Variants in NRDE2 observed in about 807,000 individuals in gnomAD.
NRDE2 encodes the protein NRDE-2, necessary for RNA interference, domain containing, also known as nuclear exosome regulator NRDE2.
A neutral mutation model predicts 124.2 loss-of-function variants in NRDE2; 76 were observed. That is an observed-to-expected ratio of 0.61 (90% CI 0.51 to 0.74). The LOEUF (loss-of-function observed/expected upper bound fraction) is 0.74, where lower values mean the gene tolerates loss of function less well. Ranked by LOEUF, NRDE2 falls within the 30% of genes least tolerant of loss-of-function variation. The pLI is 0.00. For synonymous variants in NRDE2, 489 were observed against 528.1 expected (o/e 0.93, Z 1.01); for missense variants, 1,314 against 1,417.3 (o/e 0.93, Z 1.17).
Position 90,268,031 on chromosome 14 carries a change from TTAG to T in NRDE2, c.*10302_*10304del, listed in dbSNP as rs1274551353. 19 of 511,116 alleles carry T rather than the reference TTAG, an allele frequency of 3.7e-5. No individual in the cohort carries two copies. Among genetic ancestry groups the T allele is most frequent in the African/African-American group, 2.9e-4 (15 of 50,970 alleles). The allele number at this position is 511,116 out of a possible 1,614,324, so 31.7% of individuals were successfully genotyped here. A position where few individuals can be genotyped will look rare whatever the true frequency, so the allele number is the denominator to read the frequency against. ...AATAGCTAAGGATAATCCAAACATGTTAGTAGATTTTTCTAAATGTCCTCTTAT... is the reference window on the plus strand; with the variant it reads ...AATAGCTAAGGATAATCCAAACATGTTAGATTTTTCTAAATGTCCTCTTAT... On this transcript the variant is annotated 3_prime_UTR_variant, in exon 14 of 14. Coordinates refer to ENST00000354366, the MANE Select transcript of NRDE2 (RefSeq NM_017970.4).
chr14:90,270,130 G>T lies in NRDE2; in HGVS notation c.*8206C>A. ...CTTCGTATGTAAGGAGATGGGCTGA[G>T]GCCTCTGAGCCATGGCCGAGCCTGG... On this transcript the variant is annotated 3_prime_UTR_variant, in exon 14 of 14. Transcript: ENST00000354366. 6.4e-7 allele frequency: 1 copy of T among 1,552,412 alleles called. No individual in the cohort carries two copies. The highest frequency in any genetic ancestry group is 8.8e-7 in the Non-Finnish European group (1 of 1,136,570).
At chr14:90,299,049 TTA>T (rs1158873485) in intron 7 of NRDE2, among the ~76,000 whole-genome samples, 1 of 144,316 alleles carries the variant, frequency 6.9e-6, no homozygotes, top group African/African-American at 2.5e-5. Context: ...TCTGCATTTT[TTA>T]TTTTTATTTT....
At chr14:90,328,755 T>A (rs534696744) in intron 1 of NRDE2, among the ~76,000 whole-genome samples, 7 of 152,342 alleles carry the variant, frequency 4.6e-5, no homozygotes, top group African/African-American at 1.7e-4. Flanking sequence ...CAGAAGCATG[T>A]TAAGTGACAC....
rs776708808 is a variant in NRDE2, at chr14:90,331,877, G to A, written c.28C>T (p.Leu10Phe). Residue 10 changes from leucine (L) to phenylalanine (F), a missense_variant, in exon 1 of 14, where the codon CTT (leucine) becomes TTT (phenylalanine). Physicochemically the swap from Leu to Phe is conservative, Grantham distance 22. Coordinates refer to ENST00000354366, the MANE Select transcript of NRDE2 (RefSeq NM_017970.4). ...CTCCCGCCATCGGGAGCCTCACTAA[G>A]CCCCGCAAAGGCTGGGAACAGCGCC... MALFPAFAG[L>F]SEAPDGGSSR... is the part of the protein sequence containing the mutation. 3 of 1,614,000 alleles carry A rather than the reference G, an allele frequency of 1.9e-6. No homozygotes were observed. In the African/African-American group the frequency reaches 4.0e-5, roughly 22 times the overall value.
rs1892185300 is a variant in NRDE2 at position 90,288,754 on chromosome 14, G to A, written c.2621C>T (p.Ala874Val). 2 of 1,614,034 alleles carry A rather than the reference G, an allele frequency of 1.2e-6. No individual in the cohort carries two copies. Among genetic ancestry groups the A allele is most frequent in the South Asian group, 1.1e-5 (1 of 91,086 alleles). The change falls in exon 11 of 14, where the codon GCG (alanine) becomes GTG (valine). Residue 874 changes from alanine to valine, a missense_variant. Ala to Val is a moderately conservative substitution (Grantham distance 64). Coordinates refer to ENST00000354366, the MANE Select transcript of NRDE2 (RefSeq NM_017970.4). ...GQVLAVHILK[A>V]RKAYEHALQD... is the part of the protein sequence containing the mutation. ...CAGTGCGTGCTCATAAGCCTTTCGC[G>A]CTTTCAAAATGTGAACAGCCAACAC...
At chr14:90,290,153 A>C in intron 10 of NRDE2, 68 bp downstream of exon 10, 2 of 1,533,036 alleles carry the variant, frequency 1.3e-6, no homozygotes, top group South Asian at 2.5e-5. Flanking sequence ...GGAGGCTTAC[A>C]ATCCCGTTTA....
In NRDE2 at chr14:90,331,872, A is replaced by T. The variant is rs771934367; in HGVS notation, c.33T>A (p.Ser11Arg). 1 of 1,614,146 alleles carries T rather than the reference A, an allele frequency of 6.2e-7. No homozygotes were observed. The highest frequency in any genetic ancestry group is 1.1e-5 in the South Asian group (1 of 91,086). MALFPAFAGLSEAPDGGSSRK... is the reference protein window; with the variant it reads MALFPAFAGLREAPDGGSSRK... ...TGGAGCTCCCGCCATCGGGAGCCTC[A>T]CTAAGCCCCGCAAAGGCTGGGAACA... Residue 11 changes from serine to arginine, a missense_variant, in exon 1 of 14, where the codon AGT (serine) becomes AGA (arginine). By Grantham distance (110) the Ser-to-Arg change is moderately radical (BLOSUM62 -1). Transcript: ENST00000354366.
At chr14:90,316,040 T>C (rs1885034952) in intron 3 of NRDE2, among the ~76,000 whole-genome samples, 1 of 149,110 alleles carries the variant, frequency 6.7e-6, no homozygotes, top group Non-Finnish European at 1.5e-5. Flanking sequence ...AACACTGTAA[T>C]CATGAGCTGT....
chr14:90,289,192 G>A lies in NRDE2; in HGVS notation c.2230-47C>T, dbSNP rs373971944. ...TGACTGCAGGTGCTCTGTAATTAAG[G>A]CGTCCTCTGCTGCCAACTGTAGAAA... On this transcript the variant is annotated intron_variant, in intron 10 of 13. Coordinates refer to ENST00000354366, the MANE Select transcript of NRDE2 (RefSeq NM_017970.4). The A allele has an allele frequency of 1.4e-5, 21 of 1,468,742 alleles. No individual in the cohort carries two copies. In the African/African-American group the frequency reaches 3.0e-4, roughly 21 times the overall value. The allele number at this position is 1,468,742 out of a possible 1,614,324, so 91.0% of individuals were successfully genotyped here. A position where few individuals can be genotyped will look rare whatever the true frequency, so the allele number is the denominator to read the frequency against.
At position 90,320,358 on chromosome 14, in the gene NRDE2, G is replaced by A. The variant is rs143931281; in HGVS notation, c.65-2245C>T. Among the ~76,000 whole-genome samples, 162 of 152,304 alleles carry A rather than the reference G, an allele frequency of 1.1e-3. 2 individuals carry two copies. Among genetic ancestry groups the A allele is most frequent in the African/African-American group, 3.8e-3 (156 of 41,564 alleles). On this transcript the variant is annotated intron_variant, in intron 1 of 13. Transcript: ENST00000354366. ...GAGGAAAGAGTAAAGAGCAAAGGGG[G>A]AAGAGCCCCTTATAAAACCATCAGA...
chr14:90,283,925 A>G (rs7146356), intron 12 of NRDE2, among the ~76,000 whole-genome samples: 39,640 of 151,824 alleles, frequency 0.26, 5,661 homozygotes, highest in Middle Eastern at 0.42. Context: ...GTTAGCCAAG[A>G]TGGTCTCAAT....
At chr14:90,323,875 GTC>G (rs908496792) in intron 1 of NRDE2, among the ~76,000 whole-genome samples, 3 of 152,136 alleles carry the variant, frequency 2.0e-5, no homozygotes, top group African/African-American at 7.2e-5. Context: ...ATTTATCTGA[GTC>G]TCTTTTTTTT....
chr14:90,328,720 C>T (rs1357422402), intron 1 of NRDE2, among the ~76,000 whole-genome samples: 2 of 152,128 alleles, frequency 1.3e-5, no homozygotes, highest in African/African-American at 4.8e-5. Flanking sequence ...GAGGTAAATA[C>T]CAGTTTACAG....
rs1380511825 is a variant in NRDE2, at chr14:90,304,009, C to T, written c.931G>A (p.Val311Met). ...CGCACCCTCCTGTTAAACTCCTCCACCTTGGCCTTGAGAGCCGCACTCTCG... is the reference window on the plus strand; with the variant it reads ...CGCACCCTCCTGTTAAACTCCTCCATCTTGGCCTTGAGAGCCGCACTCTCG... ...DSESAALKAK[V>M]EEFNRRVREN... Residue 311 changes from valine to methionine, a missense_variant, in exon 5 of 14, where the codon GTG becomes ATG. Transcript: ENST00000354366. The T allele has an allele frequency of 9.3e-6, 15 of 1,613,930 alleles. No homozygotes were observed. Among genetic ancestry groups the T allele is most frequent in the African/African-American group, 6.7e-5 (5 of 74,938 alleles).
At chr14:90,317,793 A>G in intron 2 of NRDE2, 1 of 422,570 alleles carries the variant, frequency 2.4e-6, no homozygotes, top group East Asian at 3.7e-5. Flanking sequence ...GCCTAATTAC[A>G]GGCACTAACT....
chr14:90,296,996 G>C (rs1884190857), intron 8 of NRDE2, among the ~76,000 whole-genome samples: 1 of 151,926 alleles, frequency 6.6e-6, no homozygotes, highest in South Asian at 2.1e-4. Context: ...AAAATTAGGA[G>C]GGCGTGGTGG....
chr14:90,317,152 T>A (rs1432001573), intron 2 of NRDE2, among the ~76,000 whole-genome samples: 1 of 152,188 alleles, frequency 6.6e-6, no homozygotes, highest in Non-Finnish European at 1.5e-5. Context: ...TACTCATGCC[T>A]ATAATCCTAG....
Position 90,318,023 on chromosome 14 carries a change from T to C in NRDE2, c.155A>G (p.Glu52Gly), listed in dbSNP as rs755456266. The change falls in exon 2 of 14, where the codon GAA becomes GGA. Residue 52 changes from glutamate (E) to glycine (G), a missense_variant. By Grantham distance (98) the Glu-to-Gly change is moderately conservative. Coordinates refer to ENST00000354366, the MANE Select transcript of NRDE2 (RefSeq NM_017970.4). ...AAACTACCTTGTCAGCGGTAACCCT[T>C]CAGAAACATGGGCTGGAGCTGCTTC... ...QTEAAPAHVS[E>G]GLPLTRSHLK... The C allele has an allele frequency of 5.6e-5, 90 of 1,613,902 alleles. 1 individual carries two copies. Among genetic ancestry groups the C allele is most frequent in the South Asian group, 2.4e-4 (22 of 91,072 alleles).
At chr14:90,309,634 T>A (rs548962871) in intron 4 of NRDE2, among the ~76,000 whole-genome samples, 2 of 152,186 alleles carry the variant, frequency 1.3e-5, no homozygotes, top group Non-Finnish European at 2.9e-5. Flanking sequence ...CTGCCTCCTA[T>A]TGACCTTGCA....
Sources: allele counts gnomAD v4.1 joint callset (sites outside exome capture counted in the v4.1 genomes callset), GRCh38; gene constraint gnomAD v4.1.1; transcripts MANE v1.5; gene names NCBI Gene and HGNC (gene_info 2026-07-23, HGNC 2026-07-21).